SUSD5: variants seen among roughly 807,000 people sequenced by gnomAD.
The protein encoded by SUSD5 is sushi domain containing 5.
A neutral mutation model predicts 29.5 loss-of-function variants in SUSD5; 33 were observed. The observed-to-expected ratio is 1.12, with a 90% CI of 0.85 to 1.49. The LOEUF (loss-of-function observed/expected upper bound fraction) is 1.49. SUSD5 is among the 40% of genes most tolerant of loss of function. The pLI is 0.00. For synonymous variants in SUSD5, 308 were observed against 325.3 expected, an observed-to-expected ratio of 0.95 and a Z score of 0.57; for missense variants, 776 against 800.6, an observed-to-expected ratio of 0.97 and a Z score of 0.37.
chr3:33,201,892 C>T (rs142547605), intron 3 of SUSD5, among the ~76,000 whole-genome samples: 2,375 of 152,238 alleles, frequency 0.016, 75 homozygotes, highest in Admixed American at 0.074. Flanking sequence ...ACCTATTATC[C>T]CCTCAACTTA....
rs560477396 is a variant in SUSD5, at chr3:33,156,651, G to A, written c.599-2618C>T. ...CTTCTCCCACTTAACTTTCAACTTC[G>A]GAAGAACAAAATGCACAGAGCTCCA... On this transcript the variant is annotated intron_variant, in intron 4 of 4. Coordinates refer to ENST00000309558, the MANE Select transcript of SUSD5 (RefSeq NM_015551.2). 1.1e-4 allele frequency among the ~76,000 whole-genome samples: 16 copies of A among 152,232 alleles called. No individual in the cohort carries two copies. The South Asian group carries it at 1.5e-3, about 14-fold the overall frequency.
chr3:33,214,524 C>G (rs2032390533), intron 1 of SUSD5, among the ~76,000 whole-genome samples: 1 of 152,040 alleles, frequency 6.6e-6, no homozygotes, highest in Admixed American at 6.5e-5. Context: ...CTAGGATGAC[C>G]CCCTATACAA....
At chr3:33,215,511 C>T (rs2032414002) in intron 1 of SUSD5, among the ~76,000 whole-genome samples, 1 of 152,116 alleles carries the variant, frequency 6.6e-6, no homozygotes, top group Non-Finnish European at 1.5e-5. Context: ...AGATGTTGTT[C>T]AAATTGCTTT....
At chr3:33,164,344 AAAAG>A (rs1322349532) in intron 4 of SUSD5, among the ~76,000 whole-genome samples, 5 of 152,204 alleles carry the variant, frequency 3.3e-5, no homozygotes, top group South Asian at 4.1e-4. Context: ...GGAAAGGAGA[AAAAG>A]AAGAAGTTTT....
intron 3 of SUSD5, among the ~76,000 whole-genome samples, chr3:33,183,192 C>T (rs765459924): frequency 2.0e-5 from 3 of 152,062 alleles, no homozygotes; most frequent in African/African-American, 4.8e-5. Flanking sequence ...TCTGATAATA[C>T]CTGCCTTTTA....
At position 33,153,773 on chromosome 3, in the gene SUSD5, G is replaced by T; in HGVS notation, c.859C>A (p.Arg287=). The stretch of plus-strand genomic sequence containing the variant: ...CAGAACAAGTGCTTCTGGAGCAGCC[G>T]TGATCCTGGTGAATCTGCGGGGACA... The part of the protein sequence containing the change: ...SSVPADSPGS[R]LLQKHLFWFP... Residue 287 remains arginine, a synonymous_variant, in exon 5 of 5, where the codon CGG becomes AGG. Coordinates refer to ENST00000309558, the MANE Select transcript of SUSD5 (RefSeq NM_015551.2). The T allele has an allele frequency of 6.2e-7, 1 of 1,614,032 alleles. No individual in the cohort carries two copies. Among genetic ancestry groups the T allele is most frequent in the South Asian group, 1.1e-5 (1 of 91,084 alleles).
Position 33,204,215 on chromosome 3 carries a change from C to G in SUSD5, c.409+3593G>C, listed in dbSNP as rs1380500888. ...TACATATGTATATATATGTATCTTG[C>G]TATGTTGCCCAGGCTGGTCTCAAAC... On this transcript the variant is annotated intron_variant, in intron 3 of 4. Coordinates refer to ENST00000309558, the MANE Select transcript of SUSD5 (RefSeq NM_015551.2). This position sits in a 1 kb window ranked among gnomAD's most constrained non-coding sequence, Gnocchi z 4.5. Among the ~76,000 whole-genome samples the G allele has an allele frequency of 2.6e-5, 4 of 152,016 alleles. No homozygotes were observed. The highest frequency in any genetic ancestry group is 6.6e-5 in the Admixed American group (1 of 15,264).
At chr3:33,185,078 T>C (rs770253614) in intron 3 of SUSD5, among the ~76,000 whole-genome samples, 20 of 152,316 alleles carry the variant, frequency 1.3e-4, no homozygotes, top group Non-Finnish European at 2.4e-4. Context: ...TAGAGTCCCA[T>C]GACTAGGTCT....
chr3:33,161,173 AAAC>A (rs1245379811), intron 4 of SUSD5, among the ~76,000 whole-genome samples: 1 of 152,228 alleles, frequency 6.6e-6, no homozygotes, highest in African/African-American at 2.4e-5. Flanking sequence ...TGACTGCATA[AAAC>A]AACAACATAT....
intron 4 of SUSD5, among the ~76,000 whole-genome samples, chr3:33,163,832 C>T (rs375436722): frequency 1.3e-5 from 2 of 152,156 alleles, no homozygotes; most frequent in Non-Finnish European, 2.9e-5. Flanking sequence ...CCCATCTGTA[C>T]TAAACAAAAT....
At chr3:33,157,988 GA>G (rs2031092546) in intron 4 of SUSD5, among the ~76,000 whole-genome samples, 1 of 152,228 alleles carries the variant, frequency 6.6e-6, no homozygotes, top group South Asian at 2.1e-4. Flanking sequence ...GCTGCTTGGG[GA>G]GCAGGCCCCA....
intron 3 of SUSD5, among the ~76,000 whole-genome samples, chr3:33,178,969 C>G (rs1341534236): frequency 4.6e-5 from 7 of 151,512 alleles, no homozygotes; most frequent in Non-Finnish European, 5.9e-5. Flanking sequence ...ACTAGTGAAC[C>G]CTCTGGGCTT....
rs369125087 is a variant in SUSD5, at chr3:33,197,140, G to A, written c.409+10668C>T. 1.6e-4 allele frequency among the ~76,000 whole-genome samples: 25 copies of A among 152,238 alleles called. No individual in the cohort carries two copies. The East Asian group carries it at 3.5e-3, about 21-fold the overall frequency. ...CCTCAGGGTCAAAAAAAGTGGTGGA[G>A]ATGTTTGCACCAGGTTTAACTGGAT... On this transcript the variant is annotated intron_variant, in intron 3 of 4. Coordinates refer to ENST00000309558, the MANE Select transcript of SUSD5 (RefSeq NM_015551.2).
At chr3:33,183,791 C>T (rs978247637) in intron 3 of SUSD5, among the ~76,000 whole-genome samples, 1 of 151,992 alleles carries the variant, frequency 6.6e-6, no homozygotes, top group African/African-American at 2.4e-5. Flanking sequence ...GGTCTACTGG[C>T]CACAAATTCT....
chr3:33,158,744 G>C (rs1317866201), intron 4 of SUSD5, among the ~76,000 whole-genome samples: 1 of 152,174 alleles, frequency 6.6e-6, no homozygotes, highest in Admixed American at 6.5e-5. Context: ...CCTGTTCTCA[G>C]CCAGAACCCG....
chr3:33,161,047 A>C (rs2125615359), intron 4 of SUSD5, among the ~76,000 whole-genome samples: 1 of 152,344 alleles, frequency 6.6e-6, no homozygotes, highest in South Asian at 2.1e-4. Context: ...GTTAGAAGAA[A>C]AGAACTGCCA....
intron 3 of SUSD5, among the ~76,000 whole-genome samples, chr3:33,202,131 G>T (rs531351354): frequency 6.6e-6 from 1 of 152,112 alleles, no homozygotes; most frequent in Non-Finnish European, 1.5e-5. Flanking sequence ...ATTGGACTTT[G>T]CCTGACCCTG....
chr3:33,153,378 C>T lies in SUSD5; in HGVS notation c.1254G>A (p.Lys418=), dbSNP rs1415810030. Residue 418 remains lysine (K), a synonymous_variant, in exon 5 of 5, where the codon AAG becomes AAA. Transcript: ENST00000309558. The part of the protein sequence containing the change: ...TPDQPILVEV[K]KPKSSTLTPS... ...GTGTGAGGGTGCTACTCTTGGGCTT[C>T]TTAACTTCCACAAGAATGGGCTGAT... 1 of 1,613,882 alleles carries T rather than the reference C, an allele frequency of 6.2e-7. No individual in the cohort carries two copies. The highest frequency in any genetic ancestry group is 1.7e-5 in the Admixed American group (1 of 60,000).
chr3:33,185,169 G>A (rs1330526495), intron 3 of SUSD5, among the ~76,000 whole-genome samples: 1 of 152,166 alleles, frequency 6.6e-6, no homozygotes, highest in Non-Finnish European at 1.5e-5. Context: ...AGGTGAGAGA[G>A]GATGGCTACA....
Sources: allele counts gnomAD v4.1 joint callset (sites outside exome capture counted in the v4.1 genomes callset), GRCh38; gene constraint gnomAD v4.1.1; non-coding constraint Gnocchi (gnomAD v3.1); transcripts MANE v1.5; gene names NCBI Gene and HGNC (gene_info 2026-07-23, HGNC 2026-07-21).